PDZRN3: variants seen among roughly 807,000 people sequenced by gnomAD.
The protein encoded by PDZRN3 is PDZ domain containing ring finger 3.
PDZRN3 carries 38 observed loss-of-function variants against 85.7 expected under a neutral mutation model. The ratio of observed to expected loss-of-function variants is 0.44; its 90% CI spans 0.34 to 0.58. The LOEUF is 0.58. Ranked by LOEUF, PDZRN3 falls within the 20% of genes least tolerant of loss-of-function variation. PDZRN3 has a pLI of 0.01. For synonymous variants in PDZRN3, 759 were observed against 638.0 expected (o/e 1.19, Z -2.86); for missense variants, 1,629 against 1,506.4 (o/e 1.08, Z -1.35).
intron 2 of PDZRN3, among the ~76,000 whole-genome samples, chr3:73,606,778 AAC>A (rs1702605746): frequency 6.6e-6 from 1 of 152,228 alleles, no homozygotes; most frequent in African/African-American, 2.4e-5. Flanking sequence ...AACAACTGCA[AAC>A]ACATAATTAA....
At position 73,624,787 on chromosome 3, in the gene PDZRN3, G is replaced by A. The variant is rs752018176; in HGVS notation, c.39C>T (p.Asp13=). 4 of 1,408,460 alleles carry A rather than the reference G, an allele frequency of 2.8e-6. No homozygotes were observed. In the South Asian group the frequency reaches 6.5e-5, roughly 23 times the overall value. The allele number at this position is 1,408,460 out of a possible 1,614,324, so 87.2% of individuals were successfully genotyped here. ...GGCACAGCGCGCACTTCAGGTCCGG[G>A]TCCACGTCGCCGTCGAAGCGGTCCA... ...FELDRFDGDV[D]PDLKCALCHK... The change falls in exon 1 of 10, where the codon GAC becomes GAT. Residue 13 remains aspartate (D), a synonymous_variant. Transcript: ENST00000263666.
intron 3 of PDZRN3, among the ~76,000 whole-genome samples, chr3:73,514,587 C>A (rs192734848): frequency 6.6e-6 from 1 of 152,128 alleles, no homozygotes; most frequent in Admixed American, 6.5e-5. Flanking sequence ...AAATTTCAAC[C>A]AATTGGTCTG....
Position 73,383,775 on chromosome 3 carries a change from G to C in PDZRN3, c.2791C>G (p.Arg931Gly). The change falls in exon 10 of 10, where the codon CGC becomes GGC. Residue 931 changes from arginine to glycine, a missense_variant. Arg to Gly is a moderately radical substitution (Grantham distance 125, BLOSUM62 -2). Transcript: ENST00000263666. The stretch of plus-strand genomic sequence containing the variant: ...CGCACGGGCCTCTTGGTGATGTAGC[G>C]CGTCCCGTCGCTGCGGATCTTCACC... Reference protein sequence around the residue: ...WKVKIRSDGTRYITKRPVRDR... With the variant: ...WKVKIRSDGTGYITKRPVRDR... 6.2e-7 allele frequency: 1 copy of C among 1,613,156 alleles called. No homozygotes were observed. Among genetic ancestry groups the C allele is most frequent in the Non-Finnish European group, 8.5e-7 (1 of 1,179,982 alleles).
chr3:73,491,194 T>A (rs1450322696), intron 3 of PDZRN3, among the ~76,000 whole-genome samples: 1 of 152,226 alleles, frequency 6.6e-6, no homozygotes, highest in Admixed American at 6.5e-5. Context: ...GGTGAAGTTC[T>A]CTCTGGGGTG....
intron 3 of PDZRN3, among the ~76,000 whole-genome samples, chr3:73,594,404 C>T (rs1485793714): frequency 2.0e-5 from 3 of 152,144 alleles, no homozygotes; most frequent in Non-Finnish European, 2.9e-5. Flanking sequence ...TTTAAGTTCT[C>T]GTATCCTGTA....
At chr3:73,442,076 G>T (rs886887154) in intron 3 of PDZRN3, among the ~76,000 whole-genome samples, 3 of 152,184 alleles carry the variant, frequency 2.0e-5, no homozygotes, top group Admixed American at 2.0e-4. Flanking sequence ...GTGGGGCAGT[G>T]GTGGGCATTG....
In PDZRN3 at chr3:73,384,852, C is replaced by T; in HGVS notation, c.1714G>A (p.Gly572Arg). Reference protein sequence around the residue: ...SNQHEKDSGVGRTDESTRNDE... With the variant: ...SNQHEKDSGVRRTDESTRNDE... The stretch of plus-strand genomic sequence containing the variant: ...TTACGGGTGCTCTCGTCGGTCCGCC[C>T]CACACCGCTGTCCTTCTCGTGCTGG... The change falls in exon 10 of 10, where the codon GGG becomes AGG. Residue 572 changes from glycine to arginine, a missense_variant. By Grantham distance (125) the Gly-to-Arg change is moderately radical. Coordinates refer to ENST00000263666, the MANE Select transcript of PDZRN3 (RefSeq NM_015009.3). The T allele has an allele frequency of 6.2e-7, 1 of 1,614,164 alleles. No individual in the cohort carries two copies. The highest frequency in any genetic ancestry group is 8.5e-7 in the Non-Finnish European group (1 of 1,180,028).
intron 2 of PDZRN3, among the ~76,000 whole-genome samples, chr3:73,604,859 A>G (rs901642261): frequency 1.3e-5 from 2 of 152,232 alleles, no homozygotes; most frequent in African/African-American, 4.8e-5. Flanking sequence ...GAGAGGAAGA[A>G]GCAAGAACAA....
intron 1 of PDZRN3, among the ~76,000 whole-genome samples, chr3:73,622,161 C>T (rs531092693): frequency 3.5e-4 from 54 of 152,304 alleles, no homozygotes; most frequent in African/African-American, 1.3e-3. Context: ...TTCGAAGGCT[C>T]ACACCAGTCT....
chr3:73,393,394 G>A (rs932906738), intron 5 of PDZRN3, among the ~76,000 whole-genome samples: 2 of 152,132 alleles, frequency 1.3e-5, no homozygotes, highest in African/African-American at 4.8e-5. Flanking sequence ...TGGTCATGAC[G>A]AGGTGAGCAC....
intron 4 of PDZRN3, among the ~76,000 whole-genome samples, 197 bp downstream of exon 4, chr3:73,403,951 T>G (rs1701803141): frequency 2.0e-5 from 3 of 152,232 alleles, no homozygotes; most frequent in Admixed American, 1.3e-4. Context: ...CGCTCCAGGG[T>G]TATAATAAAG....
chr3:73,413,917 G>T (rs1342637060), intron 3 of PDZRN3, among the ~76,000 whole-genome samples: 1 of 152,160 alleles, frequency 6.6e-6, no homozygotes, highest in Non-Finnish European at 1.5e-5. Flanking sequence ...CTTGGGAATG[G>T]TATGTTTAAC....
intron 3 of PDZRN3, among the ~76,000 whole-genome samples, chr3:73,583,110 A>T (rs938848438): frequency 2.6e-5 from 4 of 152,212 alleles, no homozygotes; most frequent in Non-Finnish European, 2.9e-5. Flanking sequence ...CTCTTCTAAC[A>T]GCCCCTAACA....
At chr3:73,470,049 A>C (rs1405234017) in intron 3 of PDZRN3, among the ~76,000 whole-genome samples, 1 of 152,208 alleles carries the variant, frequency 6.6e-6, no homozygotes, top group African/African-American at 2.4e-5. Flanking sequence ...TCCAGACATT[A>C]TTAAATGTTC....
At chr3:73,498,547 G>C (rs1241185314) in intron 3 of PDZRN3, among the ~76,000 whole-genome samples, 1 of 151,796 alleles carries the variant, frequency 6.6e-6, no homozygotes, top group Non-Finnish European at 1.5e-5. Flanking sequence ...TGTGCTAGCA[G>C]GAGAAAGGGG....
chr3:73,417,648 C>G (rs1029513251), intron 3 of PDZRN3, among the ~76,000 whole-genome samples: 2 of 152,136 alleles, frequency 1.3e-5, no homozygotes, highest in Non-Finnish European at 2.9e-5. Flanking sequence ...GAAAAAGAAA[C>G]CCTCCCTATC....
chr3:73,553,444 C>G (rs528157757), intron 3 of PDZRN3, among the ~76,000 whole-genome samples: 147 of 152,064 alleles, frequency 9.7e-4, no homozygotes, highest in Non-Finnish European at 1.9e-3. Flanking sequence ...GGCGTGGTGG[C>G]ACATGCCTGT....
At chr3:73,615,972 G>A (rs977199571) in intron 1 of PDZRN3, among the ~76,000 whole-genome samples, 5 of 152,182 alleles carry the variant, frequency 3.3e-5, no homozygotes, top group Non-Finnish European at 7.3e-5. Context: ...AGGTGTTTGG[G>A]TTATGGGGGT....
chr3:73,561,163 ATTTG>A (rs1252842178), intron 3 of PDZRN3, among the ~76,000 whole-genome samples: 1 of 152,202 alleles, frequency 6.6e-6, no homozygotes, highest in Admixed American at 6.5e-5. Flanking sequence ...AAAATATAGA[ATTTG>A]TTTGTGATTT....
Sources: allele counts gnomAD v4.1 joint callset (sites outside exome capture counted in the v4.1 genomes callset), GRCh38; gene constraint gnomAD v4.1.1; transcripts MANE v1.5; gene names NCBI Gene and HGNC (gene_info 2026-07-23, HGNC 2026-07-21).